VSX2: variants seen among roughly 807,000 people sequenced by gnomAD.
The protein encoded by VSX2 is visual system homeobox 2, also known as ceh-10 homeo domain containing homolog.
A neutral mutation model predicts 32.1 loss-of-function variants in VSX2; 28 were observed. The observed-to-expected ratio is 0.87, with a 90% CI of 0.65 to 1.20. The LOEUF is 1.20. Among genes scored for constraint, VSX2 ranks in the 50% most tolerant of loss-of-function variants. The probability of loss-of-function intolerance (pLI) is 0.00; values close to 1 mark genes in which losing one functional copy is unlikely to be tolerated. For synonymous variants in VSX2, 243 were observed against 214.1 expected, an observed-to-expected ratio of 1.14 and a Z score of -1.18; for missense variants, 506 against 488.7, an observed-to-expected ratio of 1.04 and a Z score of -0.33.
chr14:74,240,999 G>A (rs1245133689), intron 1 of VSX2, among the ~76,000 whole-genome samples, 183 bp from the exon 2 acceptor site: 1 of 152,182 alleles, frequency 6.6e-6, no homozygotes, highest in Non-Finnish European at 1.5e-5. Flanking sequence ...TCGGGCCCCG[G>A]CGCGGGAGAG....
rs570762195 is a variant in VSX2 at position 74,259,879 on chromosome 14, C to T, written c.760+97C>T. The T allele has an allele frequency of 2.6e-5, 34 of 1,294,294 alleles. No individual in the cohort carries two copies. The East Asian group carries it at 8.2e-4, about 31-fold the overall frequency. 80.2% of individuals were successfully genotyped at this position (1,294,294 alleles called of 1,614,324 possible). ...AGCCTTGAGGCAGGGGCACTTGGGCCACAGCAGCCTAGCAGGAGAGAAATT... is the reference window on the plus strand; with the variant it reads ...AGCCTTGAGGCAGGGGCACTTGGGCTACAGCAGCCTAGCAGGAGAGAAATT... On this transcript the variant is annotated intron_variant, in intron 4 of 4. Transcript: ENST00000261980.
chr14:74,249,614 C>A (rs989926049), intron 3 of VSX2, among the ~76,000 whole-genome samples: 3 of 152,148 alleles, frequency 2.0e-5, no homozygotes, highest in Non-Finnish European at 4.4e-5. Flanking sequence ...AGTTAGCTGT[C>A]ATTCCTACAC....
At chr14:74,257,709 A>ACCCCCCCCCCCCCC (rs33974776) in intron 3 of VSX2, among the ~76,000 whole-genome samples, 2 of 133,976 alleles carry the variant, frequency 1.5e-5, no homozygotes, top group African/African-American at 5.8e-5. Context: ...CGCGCGGACC[A>ACCCCCCCCCCCCCC]CCCCCCACCC....
intron 3 of VSX2, among the ~76,000 whole-genome samples, chr14:74,257,495 T>C (rs2079271793): frequency 6.6e-6 from 1 of 152,234 alleles, no homozygotes; most frequent in Non-Finnish European, 1.5e-5. Context: ...AGGCTCCCAG[T>C]TATTTACAAA....
intron 2 of VSX2, 43 bp downstream of exon 2, chr14:74,241,309 C>G (rs575288607): frequency 6.3e-7 from 1 of 1,590,486 alleles, no homozygotes; most frequent in Non-Finnish European, 8.6e-7. Context: ...CCGCGCACCC[C>G]GCTGCCGTCC....
rs537753574 is a variant in VSX2, at chr14:74,254,784, A to ATTTTTTTTTTTTTTTTTTTTTTTTTTTTT, written c.580-4805_580-4804insTTTTTTTTTTTTTTTTTTTTTTTTTTTTT. Among the ~76,000 whole-genome samples the ATTTTTTTTTTTTTTTTTTTTTTTTTTTTT allele has an allele frequency of 6.2e-4, 72 of 116,604 alleles. 10 individuals are homozygous for ATTTTTTTTTTTTTTTTTTTTTTTTTTTTT. The highest frequency in any genetic ancestry group is 8.9e-4 in the South Asian group (3 of 3,380). The allele number at this position is 116,604 out of a possible 152,430, so 76.5% of individuals were successfully genotyped here. ...ATCCTCCAAAAACCCCGAAAAGTGG[A>ATTTTTTTTTTTTTTTTTTTTTTTTTTTTT]TTTTTTTTTTTTTGAGACGCAGTCT... On this transcript the variant is annotated intron_variant, in intron 3 of 4. Transcript: ENST00000261980.
Position 74,239,891 on chromosome 14 carries a change from A to AG in VSX2, c.331dup (p.Ala111GlyfsTer16), listed in dbSNP as rs755795698. On this transcript the variant is annotated frameshift_variant, in exon 1 of 5. Transcript: ENST00000261980. LOFTEE classifies it high-confidence loss of function. ...GCGTCCACTTGCAGCCATTGGGCAG[A>AG]GCATCGGGGCCGCTGGACACCAGCC... 6 of 1,573,612 alleles carry AG rather than the reference A, an allele frequency of 3.8e-6. No homozygotes were observed. Among genetic ancestry groups the AG allele is most frequent in the Non-Finnish European group, 5.2e-6 (6 of 1,160,530 alleles).
intron 2 of VSX2, 60 bp downstream of exon 2, chr14:74,241,326 C>A: frequency 6.4e-7 from 1 of 1,565,032 alleles, no homozygotes; most frequent in Non-Finnish European, 8.8e-7. Flanking sequence ...GTCCCCCGTT[C>A]CGGGATCGGG....
At chr14:74,247,841 A>AT (rs2079202321) in intron 3 of VSX2, among the ~76,000 whole-genome samples, 1 of 152,022 alleles carries the variant, frequency 6.6e-6, no homozygotes, top group African/African-American at 2.4e-5. Flanking sequence ...ATATAACAAA[A>AT]TTATTTTTGA....
rs187858552 is a variant in VSX2, at chr14:74,250,467, C to T, written c.579+5179C>T. On this transcript the variant is annotated intron_variant, in intron 3 of 4. Coordinates refer to ENST00000261980, the MANE Select transcript of VSX2 (RefSeq NM_182894.3). ...CAAACATTACAGAACTATGAATGTTCGAAGTAAACAGAGACTACATTTCAC... is the reference window on the plus strand; with the variant it reads ...CAAACATTACAGAACTATGAATGTTTGAAGTAAACAGAGACTACATTTCAC... Among the ~76,000 whole-genome samples, 8 of 151,996 alleles carry T rather than the reference C, an allele frequency of 5.3e-5. No individual in the cohort carries two copies. The East Asian group carries it at 5.8e-4, about 11-fold the overall frequency.
In VSX2 at chr14:74,259,657, G is replaced by A. The variant is rs368725719; in HGVS notation, c.635G>A (p.Arg212Gln). Residue 212 changes from arginine to glutamine, a missense_variant, in exon 4 of 5, where the codon CGG becomes CAG. Arg to Gln is a conservative substitution (Grantham distance 43, BLOSUM62 1). Coordinates refer to ENST00000261980, the MANE Select transcript of VSX2 (RefSeq NM_182894.3). Reference sequence around the variant, plus strand: ...AGGAAGCGGGAGAAGTGCTGGGGCCGGAGCAGTGTCATGGCGGAGTATGGG... The same window carrying A: ...AGGAAGCGGGAGAAGTGCTGGGGCCAGAGCAGTGTCATGGCGGAGTATGGG... ...KWRKREKCWG[R>Q]SSVMAEYGLY... 14 of 1,614,158 alleles carry A rather than the reference G, an allele frequency of 8.7e-6. No homozygotes were observed. The highest frequency in any genetic ancestry group is 1.2e-5 in the Non-Finnish European group (14 of 1,180,006).
chr14:74,248,252 G>C (rs531378369), intron 3 of VSX2, among the ~76,000 whole-genome samples: 11 of 150,440 alleles, frequency 7.3e-5, no homozygotes, highest in Non-Finnish European at 1.5e-4. Flanking sequence ...TCTCGGCCAC[G>C]CAGTGGCTCA....
rs1408680137 is a variant in VSX2 at position 74,239,486 on chromosome 14, C to T, written c.-76C>T. ...CGGAGGGGGCACCTGGGACCAACTT[C>T]GCGAAGCGGGAAGCCCGGCGGGGGG... On this transcript the variant is annotated 5_prime_UTR_variant, in exon 1 of 5. Coordinates refer to ENST00000261980, the MANE Select transcript of VSX2 (RefSeq NM_182894.3). The T allele has an allele frequency of 3.2e-6, 5 of 1,545,536 alleles. No individual in the cohort carries two copies. In the Admixed American group the frequency reaches 9.8e-5, roughly 30 times the overall value.
intron 3 of VSX2, among the ~76,000 whole-genome samples, chr14:74,258,916 C>T (rs2079285235): frequency 2.0e-5 from 3 of 152,202 alleles, no homozygotes; most frequent in African/African-American, 7.2e-5. Flanking sequence ...CCTGGTCCAG[C>T]TCCCCAAATA....
Position 74,256,694 on chromosome 14 carries a change from GAC to G in VSX2, c.580-2906_580-2905del, listed in dbSNP as rs2079265416. ...CTTTTTTTTTTTTTTTTTTTTTTGA[GAC>G]AGAGTCTTGCTCTGTTGCACAGGCT... On this transcript the variant is annotated intron_variant, in intron 3 of 4. Coordinates refer to ENST00000261980, the MANE Select transcript of VSX2 (RefSeq NM_182894.3). 2.7e-5 allele frequency among the ~76,000 whole-genome samples: 3 copies of G among 112,494 alleles called. No homozygotes were observed. In the South Asian group the frequency reaches 9.1e-4, roughly 34 times the overall value. 73.8% of individuals were successfully genotyped at this position (112,494 alleles called of 152,430 possible).
At chr14:74,253,710 C>A (rs1443162788) in intron 3 of VSX2, among the ~76,000 whole-genome samples, 3 of 152,154 alleles carry the variant, frequency 2.0e-5, no homozygotes, top group South Asian at 2.1e-4. Context: ...GCTGGCTGAT[C>A]ACCTGAGGTT....
chr14:74,258,570 G>A (rs2079283011), intron 3 of VSX2, among the ~76,000 whole-genome samples: 1 of 151,634 alleles, frequency 6.6e-6, no homozygotes, highest in Non-Finnish European at 1.5e-5. Flanking sequence ...GGGGCGAGAA[G>A]GGAACCGCCA....
Position 74,239,750 on chromosome 14 carries a change from G to T in VSX2, c.189G>T (p.Ala63=), listed in dbSNP as rs1205909190. The change falls in exon 1 of 5, where the codon GCG becomes GCT. Residue 63 remains alanine (A), a synonymous_variant. Coordinates refer to ENST00000261980, the MANE Select transcript of VSX2 (RefSeq NM_182894.3). ...LDGLAPGHLL[A]ARSVLSPAGV... ...GCCTGGCCCCCGGGCACTTGCTGGC[G>T]GCGCGCTCAGTGCTCAGCCCCGCGG... is the stretch of plus-strand genomic sequence containing the variant. 14 of 1,550,178 alleles carry T rather than the reference G, an allele frequency of 9.0e-6. No individual in the cohort carries two copies. Among genetic ancestry groups the T allele is most frequent in the East Asian group, 4.8e-5 (2 of 41,256 alleles).
chr14:74,258,003 C>A (rs921985622), intron 3 of VSX2, among the ~76,000 whole-genome samples: 2 of 152,046 alleles, frequency 1.3e-5, no homozygotes, highest in Admixed American at 6.5e-5. Flanking sequence ...CATCTGCCGC[C>A]GAGCCCGCAT....
Sources: gnomAD v4.1 joint callset for allele counts (sites outside exome capture counted in the v4.1 genomes callset) on GRCh38, gnomAD v4.1.1 for gene constraint, MANE v1.5 for transcripts, NCBI Gene and HGNC (gene_info 2026-07-23, HGNC 2026-07-21) for gene names.